FHIT: variants seen among roughly 807,000 people sequenced by gnomAD.
FHIT encodes the protein fragile histidine triad diadenosine triphosphatase.
FHIT carries 19 observed loss-of-function variants against 17.9 expected under a neutral mutation model. That is an observed-to-expected ratio of 1.06 (90% CI 0.74 to 1.56). The LOEUF (loss-of-function observed/expected upper bound fraction) is 1.56. FHIT is among the 40% of genes most tolerant of loss of function. The pLI is 0.00. For synonymous variants in FHIT, 81 were observed against 69.7 expected, an observed-to-expected ratio of 1.16 and a Z score of -0.81; for missense variants, 248 against 189.2, an observed-to-expected ratio of 1.31 and a Z score of -1.82.
At chr3:60,634,687 T>C (rs978204404) in intron 4 of FHIT, among the ~76,000 whole-genome samples, 1 of 152,182 alleles carries the variant, frequency 6.6e-6, no homozygotes, top group Non-Finnish European at 1.5e-5. Context: ...TGAAAAAATC[T>C]TTGTGATAAA....
intron 8 of FHIT, among the ~76,000 whole-genome samples, chr3:59,864,077 C>T (rs2629875): frequency 0.55 from 82,977 of 152,032 alleles, 23,995 homozygotes; most frequent in African/African-American, 0.74. Context: ...CCAGCAAGAT[C>T]GCAGATGGCA....
chr3:60,069,987 G>A (rs2736813), intron 5 of FHIT, among the ~76,000 whole-genome samples: 1 of 152,188 alleles, frequency 6.6e-6, no homozygotes, highest in South Asian at 2.1e-4. Context: ...TTGCAACTTA[G>A]AAGTCACCTC....
At chr3:60,710,468 G>A (rs1317486500) in intron 4 of FHIT, among the ~76,000 whole-genome samples, 4 of 152,224 alleles carry the variant, frequency 2.6e-5, no homozygotes, top group African/African-American at 9.6e-5. Context: ...GCAGGGCAAG[G>A]CATTGCCTCA....
chr3:59,939,817 C>G (rs956744320), intron 7 of FHIT, among the ~76,000 whole-genome samples: 7 of 152,064 alleles, frequency 4.6e-5, no homozygotes, highest in Non-Finnish European at 8.8e-5. Context: ...CCCTCACCGG[C>G]AAAAAGTCTA....
At chr3:59,884,975 C>T (rs56096814) in intron 8 of FHIT, among the ~76,000 whole-genome samples, 3,635 of 152,216 alleles carry the variant, frequency 0.024, 120 homozygotes, top group African/African-American at 0.074. Context: ...TCAACTATTC[C>T]TGTGGTTTTA....
At chr3:60,912,859 CT>C in intron 3 of FHIT, 1 of 481,272 alleles carries the variant, frequency 2.1e-6, no homozygotes, top group Non-Finnish European at 4.1e-6. Flanking sequence ...TTAATCACCC[CT>C]TTGAGTCACT....
chr3:60,375,686 T>C (rs1212881292), intron 5 of FHIT, among the ~76,000 whole-genome samples: 1 of 152,154 alleles, frequency 6.6e-6, no homozygotes, highest in Admixed American at 6.5e-5. Flanking sequence ...TTGTAGTTAC[T>C]TTCATATTCT....
intron 5 of FHIT, among the ~76,000 whole-genome samples, chr3:60,143,098 A>G (rs1700106960): frequency 1.3e-5 from 2 of 152,172 alleles, no homozygotes. Context: ...AATATACTAA[A>G]TGCCCAGAAA....
intron 5 of FHIT, among the ~76,000 whole-genome samples, chr3:60,494,013 C>T (rs1435491636): frequency 6.6e-6 from 1 of 152,010 alleles, no homozygotes; most frequent in East Asian, 2.0e-4. Context: ...TATCTTTGTC[C>T]ATTAATAAAT....
intron 8 of FHIT, among the ~76,000 whole-genome samples, chr3:59,830,692 T>C (rs1701133824): frequency 1.3e-5 from 2 of 152,204 alleles, no homozygotes; most frequent in African/African-American, 2.4e-5. Flanking sequence ...TCCCTCATTA[T>C]CTGTGGGCCA....
intron 3 of FHIT, among the ~76,000 whole-genome samples, chr3:60,830,519 A>G (rs1702293383): frequency 6.6e-6 from 1 of 152,194 alleles, no homozygotes; most frequent in African/African-American, 2.4e-5. Flanking sequence ...TGCTAGTAAA[A>G]ATAAGAGAAA....
chr3:59,930,473 C>T (rs1370732352), intron 7 of FHIT, among the ~76,000 whole-genome samples: 1 of 152,098 alleles, frequency 6.6e-6, no homozygotes, highest in Non-Finnish European at 1.5e-5. Flanking sequence ...GGTTCTTAAA[C>T]TGCAAATCCC....
At chr3:60,215,437 C>A (rs906201803) in intron 5 of FHIT, among the ~76,000 whole-genome samples, 1 of 152,116 alleles carries the variant, frequency 6.6e-6, no homozygotes, top group Non-Finnish European at 1.5e-5. Flanking sequence ...AGAGATCACG[C>A]CTGTAATCCC....
intron 5 of FHIT, among the ~76,000 whole-genome samples, chr3:60,258,131 A>G (rs1318061044): frequency 1.3e-5 from 2 of 151,608 alleles, no homozygotes; most frequent in Non-Finnish European, 2.9e-5. Flanking sequence ...ACTCCATCAT[A>G]TATCAGCAGG....
chr3:60,652,908 T>A (rs1229234180), intron 4 of FHIT, among the ~76,000 whole-genome samples: 8 of 101,380 alleles, frequency 7.9e-5, no homozygotes, highest in African/African-American at 3.2e-4. Flanking sequence ...AAAGTTCATC[T>A]CAAACAAAAC....
chr3:60,659,230 T>C (rs1459171171), intron 4 of FHIT, among the ~76,000 whole-genome samples: 1 of 152,126 alleles, frequency 6.6e-6, no homozygotes, highest in African/African-American at 2.4e-5. Context: ...AGTTTGAGTA[T>C]ACTGTGTCTT....
At chr3:59,921,440 C>T (rs919632012) in intron 8 of FHIT, among the ~76,000 whole-genome samples, 1 of 152,126 alleles carries the variant, frequency 6.6e-6, no homozygotes, top group Non-Finnish European at 1.5e-5. Context: ...AGAGTTAGAA[C>T]AGGAATGTCA....
At chr3:60,079,710 C>T (rs891051117) in intron 5 of FHIT, among the ~76,000 whole-genome samples, 1 of 152,070 alleles carries the variant, frequency 6.6e-6, no homozygotes, top group Admixed American at 6.6e-5. Flanking sequence ...CTCTTCCTTA[C>T]TTCACCACCT....
chr3:60,867,508 G>A (rs1553754099), intron 3 of FHIT, among the ~76,000 whole-genome samples: 1 of 152,120 alleles, frequency 6.6e-6, no homozygotes, highest in Non-Finnish European at 1.5e-5. Context: ...CAGGAACAAA[G>A]TCTTCAGAAG....
Sources: gnomAD v4.1 joint callset for allele counts (sites outside exome capture counted in the v4.1 genomes callset) on GRCh38, gnomAD v4.1.1 for gene constraint, MANE v1.5 for transcripts, NCBI Gene and HGNC (gene_info 2026-07-23, HGNC 2026-07-21) for gene names.